ZPBP: variants seen among roughly 807,000 people sequenced by gnomAD.
The protein encoded by ZPBP is zona pellucida binding protein.
In ZPBP, 26 loss-of-function variants were observed where a neutral mutation model predicts 44.8. The observed-to-expected ratio is 0.58, with a 90% CI of 0.43 to 0.81. ZPBP has a LOEUF of 0.81. ZPBP is among the 30% of genes least tolerant of loss of function. The probability of loss-of-function intolerance (pLI) is 0.00; values close to 1 mark genes in which losing one functional copy is unlikely to be tolerated. For missense variants in ZPBP, 409 were observed against 434.0 expected (o/e 0.94, Z 0.51); for synonymous variants, 174 against 153.2 (o/e 1.14, Z -1.00).
At chr7:49,989,201 C>T (rs1562827356) in intron 6 of ZPBP, among the ~76,000 whole-genome samples, 1 of 152,192 alleles carries the variant, frequency 6.6e-6, no homozygotes, top group Non-Finnish European at 1.5e-5. Flanking sequence ...TCAAGCTCGA[C>T]TTGCAGATAA....
Position 49,983,391 on chromosome 7 carries a change from T to G in ZPBP, c.912A>C (p.Pro304=), listed in dbSNP as rs1360687670. Reference sequence around the variant, plus strand: ...GTTGCTGGACATTCATTCCATATCCTGGAAAGCAGCGATTAATCCAAACCA... The same window carrying G: ...GTTGCTGGACATTCATTCCATATCCGGGAAAGCAGCGATTAATCCAAACCA... ...LQMVWINRCF[P]GYGMNVQQHP... Residue 304 remains proline, a synonymous_variant, in exon 7 of 8, where the codon CCA becomes CCC. Coordinates refer to ENST00000046087, the MANE Select transcript of ZPBP (RefSeq NM_007009.3). The G allele has an allele frequency of 3.1e-6, 5 of 1,613,502 alleles. No individual in the cohort carries two copies. Among genetic ancestry groups the G allele is most frequent in the Middle Eastern group, 3.3e-4 (2 of 6,056 alleles).
intron 7 of ZPBP, among the ~76,000 whole-genome samples, chr7:49,946,299 G>T (rs1202601051): frequency 6.6e-6 from 1 of 151,932 alleles, no homozygotes; most frequent in South Asian, 2.1e-4. Context: ...ATTTACTTCA[G>T]ATGATTTCTT....
At chr7:50,063,552 C>A (rs974102124) in intron 3 of ZPBP, among the ~76,000 whole-genome samples, 5 of 152,092 alleles carry the variant, frequency 3.3e-5, no homozygotes, top group Non-Finnish European at 7.4e-5. Context: ...CAAGAATAAG[C>A]AAGAACCTAC....
rs1294731203 is a variant in ZPBP at position 50,000,039 on chromosome 7, G to C, written c.784-16520C>G. ...GTAGATAGAAGTAAATAGATGTAAGGCTTCTACACTTTATTTTTAAAGTGG... is the reference window on the plus strand; with the variant it reads ...GTAGATAGAAGTAAATAGATGTAAGCCTTCTACACTTTATTTTTAAAGTGG... On this transcript the variant is annotated intron_variant, in intron 6 of 7. Transcript: ENST00000046087. Among the ~76,000 whole-genome samples, 9 of 152,060 alleles carry C rather than the reference G, an allele frequency of 5.9e-5. No individual in the cohort carries two copies. The East Asian group carries it at 1.2e-3, about 20-fold the overall frequency.
chr7:49,940,308 A>T (rs1794819169), intron 7 of ZPBP, among the ~76,000 whole-genome samples: 3 of 152,174 alleles, frequency 2.0e-5, no homozygotes, highest in Admixed American at 1.3e-4. Context: ...CTATATAATC[A>T]ACAGAAGAAT....
chr7:49,905,635 A>G lies in ZPBP; in HGVS notation n.412-4420T>C, dbSNP rs576738496. On this transcript the variant is annotated intron_variant and non_coding_transcript_variant, in intron 1 of 2. Transcript: ENST00000465922. ...CTCTACAATGAGAAAATTACTGTCTAATGGAGATGTCAGAGGTGTTTGAAC... is the reference window on the plus strand; with the variant it reads ...CTCTACAATGAGAAAATTACTGTCTGATGGAGATGTCAGAGGTGTTTGAAC... 2.6e-5 allele frequency among the ~76,000 whole-genome samples: 4 copies of G among 152,296 alleles called. No homozygotes were observed. In the East Asian group the frequency reaches 7.7e-4, roughly 29 times the overall value.
At chr7:49,914,130 C>T (rs1793599579) in intron 1 of ZPBP, 1 of 152,176 alleles carries the variant, frequency 6.6e-6, no homozygotes, top group Admixed American at 6.5e-5. Context: ...TTAAAGTTGT[C>T]GTTTTGCTAA....
At chr7:50,056,598 T>C (rs944824522) in intron 4 of ZPBP, among the ~76,000 whole-genome samples, 3 of 152,208 alleles carry the variant, frequency 2.0e-5, no homozygotes, top group Non-Finnish European at 4.4e-5. Flanking sequence ...CTGCCACACA[T>C]GGGTCCCACC....
chr7:49,842,552 C>T, the ZPBP span, among the ~76,000 whole-genome samples: 1 of 152,126 alleles, frequency 6.6e-6, no homozygotes, highest in African/African-American at 2.4e-5. Context: ...GAATCCACAC[C>T]CTTACCTGTA....
chr7:50,010,953 C>T (rs1214499451), intron 6 of ZPBP, among the ~76,000 whole-genome samples: 2 of 149,536 alleles, frequency 1.3e-5, no homozygotes, highest in African/African-American at 4.9e-5. Context: ...TCACATTACC[C>T]GACTTCAAAC....
At chr7:50,000,960 C>T (rs780875547) in intron 6 of ZPBP, among the ~76,000 whole-genome samples, 1 of 152,018 alleles carries the variant, frequency 6.6e-6, no homozygotes, top group Non-Finnish European at 1.5e-5. Context: ...AATTCAATGA[C>T]TGGTGTTCTC....
At chr7:49,944,846 T>TATTTCA (rs3062231) in intron 7 of ZPBP, among the ~76,000 whole-genome samples, 134,479 of 151,120 alleles carry the variant, frequency 0.89, 59,952 homozygotes, top group East Asian at 0.93. Flanking sequence ...GTATTTTTTT[T>TATTTCA]ATTTCATTTA....
intron 1 of ZPBP, among the ~76,000 whole-genome samples, chr7:50,090,475 TTG>T (rs61591297): frequency 1.4e-4 from 21 of 150,360 alleles, no homozygotes; most frequent in African/African-American, 2.2e-4. Flanking sequence ...ATATTTATGT[TTG>T]TGTGTGTGTG....
chr7:50,001,126 A>AT (rs1369977532), intron 6 of ZPBP, among the ~76,000 whole-genome samples: 2 of 152,172 alleles, frequency 1.3e-5, no homozygotes, highest in African/African-American at 4.8e-5. Flanking sequence ...GAGACTATAA[A>AT]TTTATACTGT....
intron 2 of ZPBP, among the ~76,000 whole-genome samples, chr7:50,083,586 A>G (rs1224382470): frequency 2.0e-5 from 3 of 152,006 alleles, no homozygotes; most frequent in Non-Finnish European, 4.4e-5. Flanking sequence ...GGGACTAGCA[A>G]TAAGAGTTAC....
intron 4 of ZPBP, among the ~76,000 whole-genome samples, chr7:50,049,773 C>T (rs562161578): frequency 2.6e-5 from 4 of 151,846 alleles, no homozygotes; most frequent in Admixed American, 2.6e-4. Flanking sequence ...ATGATGCCCA[C>T]TCTCAACATA....
At chr7:50,091,821 AGCCT>A (rs1803006008) in intron 1 of ZPBP, among the ~76,000 whole-genome samples, 1 of 152,228 alleles carries the variant, frequency 6.6e-6, no homozygotes, top group Non-Finnish European at 1.5e-5. Flanking sequence ...ATACCCAAAT[AGCCT>A]TTAGCAGACA....
intron 7 of ZPBP, among the ~76,000 whole-genome samples, chr7:49,959,127 C>A (rs912252628): frequency 6.6e-6 from 1 of 151,788 alleles, no homozygotes; most frequent in Non-Finnish European, 1.5e-5. Flanking sequence ...TCTAAGATAA[C>A]CCTACAGCTA....
intron 6 of ZPBP, among the ~76,000 whole-genome samples, chr7:49,986,059 T>A (rs1203111448): frequency 6.6e-6 from 1 of 152,216 alleles, no homozygotes; most frequent in Non-Finnish European, 1.5e-5. Context: ...CCTGGTTGTG[T>A]GATAAGGACC....
Sources: allele counts gnomAD v4.1 joint callset (sites outside exome capture counted in the v4.1 genomes callset), GRCh38; gene constraint gnomAD v4.1.1; transcripts MANE v1.5; gene names NCBI Gene and HGNC (gene_info 2026-07-23, HGNC 2026-07-21).